Variants in ST3GAL1 observed in about 807,000 individuals in gnomAD.
ST3GAL1 encodes ST3 beta-galactoside alpha-2,3-sialyltransferase 1, also known as CMP-N-acetylneuraminate-beta-galactosamide-alpha-2,3-sialyltransferase 1.
Under a neutral mutation model 34.1 loss-of-function variants are expected in ST3GAL1, and 16 were observed. That is an observed-to-expected ratio of 0.47 (90% CI 0.32 to 0.71). ST3GAL1 has a LOEUF of 0.71. Ranked by LOEUF, ST3GAL1 falls within the 30% of genes least tolerant of loss-of-function variation. The pLI is 0.04. For synonymous variants in ST3GAL1, 191 were observed against 184.7 expected (o/e 1.03, Z -0.28); for missense variants, 353 against 447.4 (o/e 0.79, Z 1.90).
chr8:133,519,079 G>A (rs1817725387), intron 2 of ST3GAL1, among the ~76,000 whole-genome samples: 1 of 152,196 alleles, frequency 6.6e-6, no homozygotes, highest in Non-Finnish European at 1.5e-5. Context: ...GTCAGGGTAG[G>A]GTAGGGAAAG....
At chr8:133,483,371 C>T (rs2896714) in intron 3 of ST3GAL1, among the ~76,000 whole-genome samples, 46,179 of 151,906 alleles carry the variant, frequency 0.3, 7,214 homozygotes, top group Admixed American at 0.35. Context: ...AATGCTCACA[C>T]GAAGCGTTGC....
intron 2 of ST3GAL1, among the ~76,000 whole-genome samples, chr8:133,531,759 A>C (rs1027948729): frequency 2.8e-5 from 4 of 144,272 alleles, no homozygotes; most frequent in Non-Finnish European, 6.0e-5. Context: ...TGGCACATGT[A>C]TACCTATGGA....
At chr8:133,502,591 T>G (rs1175275424) in intron 2 of ST3GAL1, among the ~76,000 whole-genome samples, 1 of 152,212 alleles carries the variant, frequency 6.6e-6, no homozygotes, top group Non-Finnish European at 1.5e-5. Context: ...TCCAGATCTG[T>G]GAGAAAATAA....
At chr8:133,521,487 C>T (rs999886936) in intron 2 of ST3GAL1, among the ~76,000 whole-genome samples, 61 of 152,108 alleles carry the variant, frequency 4.0e-4, no homozygotes, top group African/African-American at 1.4e-3. Context: ...TTATTAGAGA[C>T]GGGGTTTCAT....
intron 1 of ST3GAL1, among the ~76,000 whole-genome samples, chr8:133,552,392 T>C (rs1174155832): frequency 6.6e-6 from 1 of 152,208 alleles, no homozygotes; most frequent in African/African-American, 2.4e-5. Flanking sequence ...TGAGAGGACC[T>C]AGAAACATCT....
chr8:133,521,441 G>T (rs1337029480), intron 2 of ST3GAL1, among the ~76,000 whole-genome samples: 1 of 152,210 alleles, frequency 6.6e-6, no homozygotes, highest in African/African-American at 2.4e-5. Context: ...TGGGATTACA[G>T]GCGCCTGCCA....
chr8:133,468,881 A>C (rs1210355506), intron 5 of ST3GAL1, among the ~76,000 whole-genome samples: 1 of 152,204 alleles, frequency 6.6e-6, no homozygotes, highest in African/African-American at 2.4e-5. Context: ...AGAGGACCAC[A>C]GCCAGACTCC....
At chr8:133,495,065 T>C (rs999122426) in intron 3 of ST3GAL1, among the ~76,000 whole-genome samples, 2 of 151,928 alleles carry the variant, frequency 1.3e-5, no homozygotes, top group African/African-American at 2.4e-5. Flanking sequence ...ACTACAGGTG[T>C]GTGCCACCAC....
Position 133,465,848 on chromosome 8 carries a change from C to A in ST3GAL1, c.503+46G>T, listed in dbSNP as rs575872867. The A allele has an allele frequency of 1.0e-5, 16 of 1,575,510 alleles. No homozygotes were observed. The South Asian group carries it at 1.3e-4, about 13-fold the overall frequency. On this transcript the variant is annotated intron_variant, in intron 6 of 9. Coordinates refer to ENST00000522652, the MANE Select transcript of ST3GAL1 (RefSeq NM_173344.3). ...AGATGCTTCCTACAGCTCCAAGGGG[C>A]CCCTGGGTGCAGCACGGTAGGCTTG...
rs982412076 is a variant in ST3GAL1 at position 133,486,961 on chromosome 8, T to A, written c.-373-10361A>T. Reference sequence around the variant, plus strand: ...AGTCACTTTCTTACTTCTTTTTTATTGAGACGGAGTCTCGCTCTGTTGCCC... The same window carrying A: ...AGTCACTTTCTTACTTCTTTTTTATAGAGACGGAGTCTCGCTCTGTTGCCC... On this transcript the variant is annotated intron_variant, in intron 3 of 9. Coordinates refer to ENST00000522652, the MANE Select transcript of ST3GAL1 (RefSeq NM_173344.3). Among the ~76,000 whole-genome samples the A allele has an allele frequency of 1.1e-4, 17 of 152,240 alleles. 1 individual carries two copies. Among genetic ancestry groups the A allele is most frequent in the Admixed American group, 1.3e-4 (2 of 15,286 alleles).
chr8:133,470,361 G>A (rs1341321446), intron 5 of ST3GAL1, among the ~76,000 whole-genome samples: 1 of 151,882 alleles, frequency 6.6e-6, no homozygotes, highest in Admixed American at 6.6e-5. Flanking sequence ...GGAGGTTGTG[G>A]TGAGCCGAGA....
intron 3 of ST3GAL1, among the ~76,000 whole-genome samples, chr8:133,488,868 A>AC (rs1554613659): frequency 1.3e-5 from 2 of 151,962 alleles, no homozygotes; most frequent in African/African-American, 4.8e-5. Flanking sequence ...ACTGGCAGAC[A>AC]GGGGGGGCCA....
intron 2 of ST3GAL1, among the ~76,000 whole-genome samples, chr8:133,505,662 G>A (rs1487761033): frequency 6.6e-6 from 1 of 151,782 alleles, no homozygotes; most frequent in African/African-American, 2.4e-5. Flanking sequence ...GAGTGCGGTG[G>A]TGCAATCTTG....
chr8:133,529,215 C>T (rs748572859), intron 2 of ST3GAL1, among the ~76,000 whole-genome samples: 7 of 152,178 alleles, frequency 4.6e-5, no homozygotes, highest in African/African-American at 9.7e-5. Flanking sequence ...CTTAAGGTGA[C>T]GCAGATGGAG....
chr8:133,543,171 C>G (rs1016244781), intron 2 of ST3GAL1, among the ~76,000 whole-genome samples: 2 of 152,198 alleles, frequency 1.3e-5, no homozygotes, highest in African/African-American at 4.8e-5. Flanking sequence ...CAGCTCTGGG[C>G]TAGTCCTGCC....
chr8:133,555,505 T>C (rs760586790), intron 1 of ST3GAL1, among the ~76,000 whole-genome samples: 1 of 152,170 alleles, frequency 6.6e-6, no homozygotes, highest in Non-Finnish European at 1.5e-5. Context: ...TGATGGGACA[T>C]TCGTCCTGCC....
intron 5 of ST3GAL1, among the ~76,000 whole-genome samples, chr8:133,468,966 C>T (rs1336643812): frequency 6.6e-6 from 1 of 152,140 alleles, no homozygotes; most frequent in Non-Finnish European, 1.5e-5. Context: ...TGCCCAGGCC[C>T]AGGGGGTGGC....
At chr8:133,497,322 A>T (rs575653006) in intron 3 of ST3GAL1, among the ~76,000 whole-genome samples, 13 of 152,362 alleles carry the variant, frequency 8.5e-5, no homozygotes, top group African/African-American at 3.1e-4. Context: ...TTTTGAGAAC[A>T]CATGCAAAGC....
chr8:133,521,933 T>C (rs2978007), intron 2 of ST3GAL1, among the ~76,000 whole-genome samples: 32,332 of 152,134 alleles, frequency 0.21, 3,740 homozygotes, highest in Non-Finnish European at 0.24. Flanking sequence ...CTGTTTCTGT[T>C]TTGAGCTTTT....
Sources: allele counts gnomAD v4.1 joint callset (sites outside exome capture counted in the v4.1 genomes callset), GRCh38; gene constraint gnomAD v4.1.1; transcripts MANE v1.5; gene names NCBI Gene and HGNC (gene_info 2026-07-23, HGNC 2026-07-21).